ZFAT: variants seen among roughly 807,000 people sequenced by gnomAD.
ZFAT encodes the protein zinc finger and AT-hook domain containing.
A neutral mutation model predicts 117.7 loss-of-function variants in ZFAT; 64 were observed. The observed-to-expected ratio is 0.54, with a 90% CI of 0.44 to 0.67. ZFAT has a LOEUF of 0.67. ZFAT is among the 30% of genes least tolerant of loss of function. The pLI is 0.00. For missense variants in ZFAT, 1,433 were observed against 1,584.5 expected, an observed-to-expected ratio of 0.90 and a Z score of 1.62; for synonymous variants, 679 against 615.0, an observed-to-expected ratio of 1.10 and a Z score of -1.54.
intron 1 of ZFAT, among the ~76,000 whole-genome samples, chr8:134,711,020 C>A (rs1813973993): frequency 6.6e-6 from 1 of 152,262 alleles, no homozygotes; most frequent in Admixed American, 6.5e-5. Flanking sequence ...CATGCATCAG[C>A]TGCTAAACAA....
At chr8:134,514,634 G>T (rs1410803659) in intron 13 of ZFAT, among the ~76,000 whole-genome samples, 2 of 152,066 alleles carry the variant, frequency 1.3e-5, no homozygotes, top group South Asian at 4.1e-4. Flanking sequence ...ATGGCTCAAG[G>T]GCAAGCAGTT....
chr8:134,697,748 T>TA (rs1328797941), intron 1 of ZFAT, among the ~76,000 whole-genome samples: 103 of 125,682 alleles, frequency 8.2e-4, no homozygotes, highest in South Asian at 2.6e-3. Flanking sequence ...AACTAAAAAC[T>TA]AAAAAAAAAA....
At chr8:134,588,438 G>C in intron 8 of ZFAT, 43 bp from the exon 9 acceptor site, 1 of 1,525,660 alleles carries the variant, frequency 6.6e-7, no homozygotes, top group Non-Finnish European at 8.8e-7. Flanking sequence ...GAGCACCTCA[G>C]GGGAAGTTAG....
At chr8:134,755,067 C>G in the ZFAT span, among the ~76,000 whole-genome samples, 1 of 152,088 alleles carries the variant, frequency 6.6e-6, no homozygotes, top group Non-Finnish European at 1.5e-5. Context: ...GTTTGTTTTA[C>G]CTAAGCAAGT....
chr8:134,596,680 T>G (rs372853641), intron 7 of ZFAT, among the ~76,000 whole-genome samples: 2 of 152,186 alleles, frequency 1.3e-5, no homozygotes, highest in Non-Finnish European at 2.9e-5. Flanking sequence ...TGAAATGCAG[T>G]GTATCCATGC....
the ZFAT span, among the ~76,000 whole-genome samples, chr8:134,822,982 C>T: frequency 6.6e-6 from 1 of 152,146 alleles, no homozygotes; most frequent in Non-Finnish European, 1.5e-5. Context: ...AACATCTGTT[C>T]TCTACTAAGG....
intron 3 of ZFAT, among the ~76,000 whole-genome samples, chr8:134,614,716 A>G (rs1419116608): frequency 6.6e-6 from 1 of 152,206 alleles, no homozygotes. Context: ...CTCCTGCAAT[A>G]GATCTCAGAG....
intron 13 of ZFAT, among the ~76,000 whole-genome samples, chr8:134,516,093 T>G (rs956954397): frequency 6.6e-6 from 1 of 152,236 alleles, no homozygotes; most frequent in African/African-American, 2.4e-5. Flanking sequence ...TCTCCCTCCA[T>G]TTCTGGCTTT....
chr8:134,616,692 G>A (rs17697948), intron 3 of ZFAT, among the ~76,000 whole-genome samples: 25,476 of 152,000 alleles, frequency 0.17, 2,390 homozygotes, highest in Non-Finnish European at 0.23. Flanking sequence ...TCCCTCTTGC[G>A]CATGGCTGCT....
intron 2 of ZFAT, among the ~76,000 whole-genome samples, chr8:134,641,769 A>G (rs1019242540): frequency 3.9e-5 from 6 of 152,234 alleles, no homozygotes; most frequent in African/African-American, 1.4e-4. Flanking sequence ...CTGTGTCCCC[A>G]GTTTCCAAAA....
chr8:134,638,525 G>T (rs1652768585), intron 2 of ZFAT, among the ~76,000 whole-genome samples: 1 of 135,760 alleles, frequency 7.4e-6, no homozygotes, highest in African/African-American at 2.8e-5. Context: ...CTAACATGGT[G>T]AAACTCTGTC....
intron 1 of ZFAT, among the ~76,000 whole-genome samples, chr8:134,706,318 T>C (rs1353489620): frequency 1.3e-5 from 2 of 152,234 alleles, no homozygotes; most frequent in Non-Finnish European, 2.9e-5. Context: ...AGAAGCTTTA[T>C]GTTGAATAAA....
chr8:134,565,613 G>C (rs992721137), intron 10 of ZFAT, 192 bp from the exon 11 acceptor site: 2 of 696,266 alleles, frequency 2.9e-6, no homozygotes, highest in African/African-American at 3.5e-5. Flanking sequence ...GGAGTGGAGA[G>C]GCACTCCCCA....
chr8:134,491,084 CCAAA>C (rs569286906), intron 15 of ZFAT, among the ~76,000 whole-genome samples: 23 of 152,312 alleles, frequency 1.5e-4, no homozygotes, highest in African/African-American at 5.1e-4. Flanking sequence ...AATTTTTCTC[CCAAA>C]CAGTCACAAG....
intron 12 of ZFAT, among the ~76,000 whole-genome samples, chr8:134,527,669 T>G (rs1200049289): frequency 6.6e-6 from 1 of 152,208 alleles, no homozygotes; most frequent in African/African-American, 2.4e-5. Context: ...TATTAGATCC[T>G]ACCTGGGACT....
At chr8:134,613,953 T>C (rs1828536430) in intron 3 of ZFAT, among the ~76,000 whole-genome samples, 1 of 152,228 alleles carries the variant, frequency 6.6e-6, no homozygotes, top group Non-Finnish European at 1.5e-5. Flanking sequence ...CTTGAACCAT[T>C]GTGCCTGGAC....
chr8:134,730,227 T>C, the ZFAT span, among the ~76,000 whole-genome samples: 3 of 152,224 alleles, frequency 2.0e-5, no homozygotes, highest in Non-Finnish European at 4.4e-5. Flanking sequence ...CCGGGCCCAA[T>C]GCCCCCAGTG....
intron 1 of ZFAT, among the ~76,000 whole-genome samples, chr8:134,670,325 A>C (rs1362425006): frequency 2.0e-5 from 3 of 152,268 alleles, no homozygotes; most frequent in African/African-American, 7.2e-5. Flanking sequence ...CATCACACTT[A>C]ATCCAAAATT....
chr8:134,658,165 G>A (rs532139886), intron 1 of ZFAT, among the ~76,000 whole-genome samples: 113 of 151,974 alleles, frequency 7.4e-4, no homozygotes, highest in Non-Finnish European at 1.3e-3. Context: ...GTGAAATCTC[G>A]TCTCTACTAA....
Sources: allele counts gnomAD v4.1 joint callset (sites outside exome capture counted in the v4.1 genomes callset), GRCh38; gene constraint gnomAD v4.1.1; transcripts MANE v1.5; gene names NCBI Gene and HGNC (gene_info 2026-07-23, HGNC 2026-07-21).